Variants in SOX5 observed in about 807,000 individuals in gnomAD.
SOX5 encodes the protein transcription factor SOX-5.
SOX5 carries 9 observed loss-of-function variants against 92.0 expected under a neutral mutation model. That is an observed-to-expected ratio of 0.10 (90% CI 0.06 to 0.17). SOX5 has a LOEUF of 0.17. Among genes scored for constraint, SOX5 ranks in the 10% least tolerant of loss-of-function variants. The pLI, the probability that SOX5 is intolerant of heterozygous loss-of-function variation, is 1.00. For missense variants in SOX5, 642 were observed against 944.5 expected (o/e 0.68, Z 4.20); for synonymous variants, 344 against 336.3 (o/e 1.02, Z -0.25).
intron 3 of SOX5, among the ~76,000 whole-genome samples, chr12:24,261,170 GA>G (rs59031357): frequency 0.18 from 26,667 of 151,682 alleles, 2,455 homozygotes; most frequent in African/African-American, 0.2. Context: ...AATTTTAGAG[GA>G]AAAAAAACTA....
At chr12:23,546,088 T>C (rs1053945849) in intron 12 of SOX5, among the ~76,000 whole-genome samples, 44 of 152,148 alleles carry the variant, frequency 2.9e-4, no homozygotes, top group African/African-American at 1.0e-3. Context: ...GCTCAGGCTC[T>C]TTCTCTGCAA....
intron 2 of SOX5, among the ~76,000 whole-genome samples, chr12:24,358,346 C>G (rs183353491): frequency 6.5e-4 from 99 of 152,246 alleles, no homozygotes; most frequent in Non-Finnish European, 1.3e-3. Context: ...TCTTTGCAAT[C>G]CAATAATCAT....
chr12:23,738,341 CT>C (rs1456366191), intron 5 of SOX5: 3 of 152,150 alleles, frequency 2.0e-5, no homozygotes, highest in Non-Finnish European at 1.5e-5. Context: ...TATTAAATGT[CT>C]TTCATGAAAA....
At chr12:23,867,510 C>G (rs2096827733) in intron 2 of SOX5, among the ~76,000 whole-genome samples, 1 of 152,078 alleles carries the variant, frequency 6.6e-6, no homozygotes, top group Non-Finnish European at 1.5e-5. Flanking sequence ...TTCTATGGAT[C>G]TGTGAGTGGT....
At position 24,412,780 on chromosome 12, in the gene SOX5, C is replaced by CTTT. The variant is rs35640190; in HGVS notation, c.-250-44144_-250-44142dup. ...TGCTGCTGGGTTTCCATTAGATTTTCTTTTTTTTTTTTTTTTTGAGAGGGA... is the reference window on the plus strand; with the variant it reads ...TGCTGCTGGGTTTCCATTAGATTTTCTTTTTTTTTTTTTTTTTTTTGAGAGGGA... On this transcript the variant is annotated intron_variant, in intron 1 of 4. Coordinates refer to the SOX5 transcript ENST00000446891. 2.8e-4 allele frequency among the ~76,000 whole-genome samples: 37 copies of CTTT among 132,388 alleles called. 1 individual carries two copies. The highest frequency in any genetic ancestry group is 5.1e-4 in the African/African-American group (18 of 35,210). 86.9% of individuals were successfully genotyped at this position (132,388 alleles called of 152,430 possible). A position where few individuals can be genotyped will look rare whatever the true frequency, so the allele number is the denominator to read the frequency against.
At chr12:23,565,331 G>A (rs1042885327) in intron 10 of SOX5, among the ~76,000 whole-genome samples, 2 of 152,092 alleles carry the variant, frequency 1.3e-5, no homozygotes, top group Admixed American at 6.6e-5. Context: ...TTACATGACC[G>A]TGATGGTCTT....
At chr12:24,376,878 A>ATT (rs33940692) in intron 1 of SOX5, among the ~76,000 whole-genome samples, 67,092 of 139,664 alleles carry the variant, frequency 0.48, 16,193 homozygotes, top group Non-Finnish European at 0.53. Flanking sequence ...AATTTTTTGA[A>ATT]TTTTTTTTTT....
chr12:23,585,450 T>G (rs1366082360), intron 9 of SOX5, among the ~76,000 whole-genome samples: 1 of 152,104 alleles, frequency 6.6e-6, no homozygotes, highest in East Asian at 1.9e-4. Context: ...AACTACAACT[T>G]TTTTCATTCC....
chr12:23,639,656 C>CA (rs1324414791), intron 8 of SOX5, among the ~76,000 whole-genome samples: 1 of 152,164 alleles, frequency 6.6e-6, no homozygotes, highest in Admixed American at 6.5e-5. Flanking sequence ...AACAGATACT[C>CA]ACAGTGTAGC....
chr12:24,369,684 G>T (rs764203010), intron 1 of SOX5, among the ~76,000 whole-genome samples: 6 of 152,332 alleles, frequency 3.9e-5, no homozygotes, highest in Middle Eastern at 3.4e-3. Context: ...AATGCATTCT[G>T]AGTCTTTCAA....
chr12:23,667,485 G>A (rs954840004), intron 6 of SOX5, among the ~76,000 whole-genome samples: 1 of 152,088 alleles, frequency 6.6e-6, no homozygotes, highest in Non-Finnish European at 1.5e-5. Flanking sequence ...AATTTTTCAA[G>A]ATCCACTTGT....
chr12:23,708,212 C>A (rs1448656948), intron 6 of SOX5, among the ~76,000 whole-genome samples: 6 of 146,792 alleles, frequency 4.1e-5, no homozygotes, highest in Admixed American at 1.4e-4. Flanking sequence ...AATTTGGGAA[C>A]TATTTATAGA....
At chr12:24,179,413 A>G (rs959595219) in intron 4 of SOX5, among the ~76,000 whole-genome samples, 5 of 152,200 alleles carry the variant, frequency 3.3e-5, no homozygotes, top group Non-Finnish European at 5.9e-5. Context: ...ATCTTTTCCC[A>G]GGCTATCAAT....
intron 4 of SOX5, among the ~76,000 whole-genome samples, chr12:24,043,937 G>A (rs1016893017): frequency 2.0e-5 from 3 of 152,020 alleles, no homozygotes; most frequent in African/African-American, 7.3e-5. Flanking sequence ...TTACAACAAA[G>A]CATGTACCCA....
intron 4 of SOX5, among the ~76,000 whole-genome samples, chr12:23,977,663 CAAAAA>C (rs11287193): frequency 7.7e-6 from 1 of 129,552 alleles, no homozygotes; most frequent in Non-Finnish European, 1.6e-5. Context: ...CGTTCTGTCT[CAAAAA>C]AAAAAAAAAA....
chr12:23,664,748 A>G (rs2083544777), intron 7 of SOX5, among the ~76,000 whole-genome samples: 1 of 152,220 alleles, frequency 6.6e-6, no homozygotes, highest in Admixed American at 6.5e-5. Context: ...TTGCTTATGT[A>G]TTCATTCATT....
intron 3 of SOX5, among the ~76,000 whole-genome samples, chr12:24,214,983 C>T (rs1959052386): frequency 1.3e-5 from 2 of 151,932 alleles, no homozygotes; most frequent in South Asian, 4.1e-4. Context: ...CATACCATAC[C>T]ATATTAATAA....
At chr12:23,913,699 G>A (rs1001309046) in intron 1 of SOX5, among the ~76,000 whole-genome samples, 2 of 147,160 alleles carry the variant, frequency 1.4e-5, no homozygotes, top group East Asian at 2.0e-4. Flanking sequence ...TTGCACCACT[G>A]CACCCCAGCC....
chr12:24,001,390 C>T (rs1388153407), intron 4 of SOX5, among the ~76,000 whole-genome samples: 1 of 151,702 alleles, frequency 6.6e-6, no homozygotes, highest in Non-Finnish European at 1.5e-5. Flanking sequence ...CCAAAACCAG[C>T]CTAAATTAGA....
Sources: allele counts gnomAD v4.1 joint callset (sites outside exome capture counted in the v4.1 genomes callset), GRCh38; gene constraint gnomAD v4.1.1; transcripts MANE v1.5; gene names NCBI Gene and HGNC (gene_info 2026-07-23, HGNC 2026-07-21).